Variants in LRP1B observed in about 807,000 individuals in gnomAD.
The protein encoded by LRP1B is low-density lipoprotein receptor-related protein 1B.
A neutral mutation model predicts 556.6 loss-of-function variants in LRP1B; 217 were observed. That is an observed-to-expected ratio of 0.39 (90% CI 0.35 to 0.44). The LOEUF is 0.44. Ranked by LOEUF, LRP1B falls within the 20% of genes least tolerant of loss-of-function variation. The pLI is 1.00. For missense variants in LRP1B, 5,053 were observed against 5,620.8 expected, an observed-to-expected ratio of 0.90 and a Z score of 3.23; for synonymous variants, 2,047 against 1,865.8, an observed-to-expected ratio of 1.10 and a Z score of -2.50.
At chr2:141,606,800 A>C (rs1461772363) in intron 2 of LRP1B, among the ~76,000 whole-genome samples, 1 of 152,136 alleles carries the variant, frequency 6.6e-6, no homozygotes, top group East Asian at 1.9e-4. Context: ...TGAGCAAATA[A>C]ACTTCTGTTG....
rs70994471 is a variant in LRP1B, at chr2:142,015,991, C to CAAAAAAAAAAAAAAAAA, written c.82+114640_82+114656dup. Among the ~76,000 whole-genome samples the CAAAAAAAAAAAAAAAAA allele has an allele frequency of 2.3e-4, 9 of 38,794 alleles. 2 individuals carry two copies. Among genetic ancestry groups the CAAAAAAAAAAAAAAAAA allele is most frequent in the South Asian group, 3.9e-3 (2 of 512 alleles). The allele number at this position is 38,794 out of a possible 152,430, so 25.5% of individuals were successfully genotyped here. A position where few individuals can be genotyped will look rare whatever the true frequency, so the allele number is the denominator to read the frequency against. ...TGGGCAACAGCGCGAGACTCCATCT[C>CAAAAAAAAAAAAAAAAA]AAAAAAAAAAAAAAAAAAAAAGTGG... is the stretch of plus-strand genomic sequence containing the variant. On this transcript the variant is annotated intron_variant, in intron 1 of 90. Coordinates refer to ENST00000389484, the MANE Select transcript of LRP1B (RefSeq NM_018557.3).
chr2:140,267,820 G>A (rs1288449777), intron 86 of LRP1B, among the ~76,000 whole-genome samples: 2 of 151,914 alleles, frequency 1.3e-5, no homozygotes, highest in Non-Finnish European at 2.9e-5. Context: ...GTACACAAAA[G>A]TAGGAGAGGT....
At chr2:142,062,471 G>T (rs906488505) in intron 1 of LRP1B, among the ~76,000 whole-genome samples, 2 of 151,608 alleles carry the variant, frequency 1.3e-5, no homozygotes, top group African/African-American at 4.8e-5. Flanking sequence ...TGATGAATGG[G>T]CTTACTTCAA....
chr2:141,498,122 C>G (rs1683579443), intron 2 of LRP1B, among the ~76,000 whole-genome samples: 1 of 151,866 alleles, frequency 6.6e-6, no homozygotes, highest in East Asian at 1.9e-4. Flanking sequence ...TGCTAAGATA[C>G]TATAAAGTAT....
intron 41 of LRP1B, among the ~76,000 whole-genome samples, chr2:140,686,452 T>C (rs893432196): frequency 1.3e-5 from 2 of 151,934 alleles, no homozygotes; most frequent in Non-Finnish European, 2.9e-5. Context: ...AGTGAATAAA[T>C]GGCTCAGGGG....
In LRP1B at chr2:141,292,984, GAATGGAATATATGGATATTCT is replaced by G. The variant is rs574383180; in HGVS notation, c.344-38364_344-38344del. Among the ~76,000 whole-genome samples the G allele has an allele frequency of 2.2e-4, 34 of 152,228 alleles. No homozygotes were observed. In the South Asian group the frequency reaches 6.8e-3, roughly 31 times the overall value. On this transcript the variant is annotated intron_variant, in intron 3 of 90. Transcript: ENST00000389484. ...AGATGTCAATAGTAGGGGAAAGTGG[GAATGGAATATATGGATATTCT>G]ACGTACTATCTTCTCAATTTTCCTC...
At chr2:141,970,211 T>G (rs1701690177) in intron 1 of LRP1B, among the ~76,000 whole-genome samples, 1 of 151,656 alleles carries the variant, frequency 6.6e-6, no homozygotes, top group Admixed American at 6.6e-5. Context: ...TGCAAATATT[T>G]TTTCCCTGTC....
At chr2:141,313,780 T>A (rs1686897774) in intron 3 of LRP1B, among the ~76,000 whole-genome samples, 1 of 152,150 alleles carries the variant, frequency 6.6e-6, no homozygotes. Context: ...TTAGGGACAC[T>A]ATTTGAGCAA....
At chr2:141,096,835 G>T (rs1456345834) in intron 7 of LRP1B, among the ~76,000 whole-genome samples, 1 of 152,126 alleles carries the variant, frequency 6.6e-6, no homozygotes. Context: ...AATAAGACCT[G>T]TAAAAAGAAA....
chr2:141,560,586 T>C (rs1686111462), intron 2 of LRP1B, among the ~76,000 whole-genome samples: 1 of 151,566 alleles, frequency 6.6e-6, no homozygotes, highest in African/African-American at 2.4e-5. Context: ...TGAAATTCTG[T>C]TTATGTTTTA....
chr2:141,778,524 A>G (rs1362243341), intron 2 of LRP1B, among the ~76,000 whole-genome samples: 1 of 152,158 alleles, frequency 6.6e-6, no homozygotes, highest in African/African-American at 2.4e-5. Flanking sequence ...TTCACAGGCA[A>G]AGTGGAAACT....
intron 42 of LRP1B, among the ~76,000 whole-genome samples, chr2:140,600,870 T>A (rs1294774802): frequency 6.7e-6 from 1 of 150,206 alleles, no homozygotes; most frequent in Non-Finnish European, 1.5e-5. Flanking sequence ...ATATTTTATA[T>A]CCGGAGCATT....
At chr2:140,327,946 TTTGA>T (rs1384176846) in intron 79 of LRP1B, among the ~76,000 whole-genome samples, 2 of 139,992 alleles carry the variant, frequency 1.4e-5, no homozygotes, top group African/African-American at 2.7e-5. Context: ...AATCAATACT[TTTGA>T]TTTTCTATTA....
At chr2:141,314,388 A>T (rs1686918989) in intron 3 of LRP1B, among the ~76,000 whole-genome samples, 1 of 152,306 alleles carries the variant, frequency 6.6e-6, no homozygotes, top group East Asian at 1.9e-4. Context: ...TTTGTTTAAG[A>T]TGTGTAATTT....
intron 41 of LRP1B, among the ~76,000 whole-genome samples, chr2:140,609,857 T>G (rs1683005771): frequency 6.6e-6 from 1 of 152,110 alleles, no homozygotes; most frequent in Non-Finnish European, 1.5e-5. Flanking sequence ...CTCTAGGTAA[T>G]AAAAAAGCAT....
chr2:140,899,620 G>A (rs564313848), intron 23 of LRP1B, among the ~76,000 whole-genome samples: 12 of 152,252 alleles, frequency 7.9e-5, no homozygotes, highest in Admixed American at 3.9e-4. Flanking sequence ...GTTCCAGTCC[G>A]TCAGTTCAAT....
chr2:140,523,561 T>G (rs60545516), intron 49 of LRP1B, among the ~76,000 whole-genome samples: 146,318 of 151,770 alleles, frequency 0.96, 70,757 homozygotes, highest in East Asian at 1. Context: ...GAAAGAAATT[T>G]AAAGGCATGC....
At chr2:140,946,494 G>A (rs563624491) in intron 20 of LRP1B, among the ~76,000 whole-genome samples, 9 of 151,938 alleles carry the variant, frequency 5.9e-5, no homozygotes, top group Non-Finnish European at 1.2e-4. Flanking sequence ...CAAGCTACTT[G>A]GGAGGCTGAG....
rs1405158164 is a variant in LRP1B, at chr2:140,327,995, AAAAG to A, written c.12224-2121_12224-2118del. Among the ~76,000 whole-genome samples the A allele has an allele frequency of 3.3e-5, 5 of 152,222 alleles. No homozygotes were observed. The East Asian group carries it at 7.7e-4, about 24-fold the overall frequency. ...ATAAAAGAGATAGTCTTCTAAATTA[AAAAG>A]TTAATAAAGGAATCAACTAACTTTT... is the stretch of plus-strand genomic sequence containing the variant. On this transcript the variant is annotated intron_variant, in intron 79 of 90. Coordinates refer to ENST00000389484, the MANE Select transcript of LRP1B (RefSeq NM_018557.3).
Sources: allele counts gnomAD v4.1 joint callset (sites outside exome capture counted in the v4.1 genomes callset), GRCh38; gene constraint gnomAD v4.1.1; transcripts MANE v1.5; gene names NCBI Gene and HGNC (gene_info 2026-07-23, HGNC 2026-07-21).